Variants in ABCB1 observed in about 807,000 individuals in gnomAD.
ABCB1 encodes ATP-dependent translocase ABCB1.
Under a neutral mutation model 142.0 loss-of-function variants are expected in ABCB1, and 69 were observed. The observed-to-expected ratio is 0.49, with a 90% CI of 0.40 to 0.59. The LOEUF is 0.59. ABCB1 is among the 20% of genes least tolerant of loss of function. ABCB1 has a pLI of 0.00. For missense variants in ABCB1, 1,326 were observed against 1,554.7 expected, an observed-to-expected ratio of 0.85 and a Z score of 2.47; for synonymous variants, 532 against 539.2, an observed-to-expected ratio of 0.99 and a Z score of 0.18.
Position 87,544,880 on chromosome 7 carries a change from A to G in ABCB1, c.2007T>C (p.Arg669=). Residue 669 remains arginine, a synonymous_variant, in exon 16 of 28, where the codon CGT becomes CGC. Coordinates refer to ENST00000622132, the MANE Select transcript of ABCB1 (RefSeq NM_001348946.2). ...GGGCTTGTGATCCACGGACACTCCT[A>G]CGAGTTGATCTTTTTCTTATTAGAC... The part of the protein sequence containing the change: ...RSSLIRKRST[R]RSVRGSQAQD... 1 of 1,614,138 alleles carries G rather than the reference A, an allele frequency of 6.2e-7. No individual in the cohort carries two copies. The highest frequency in any genetic ancestry group is 2.2e-5 in the East Asian group (1 of 44,880).
intron 3 of ABCB1, among the ~76,000 whole-genome samples, chr7:87,588,387 T>C (rs574259560): frequency 3.7e-4 from 57 of 152,294 alleles, no homozygotes; most frequent in African/African-American, 1.3e-3. Context: ...TAGGTGTCCA[T>C]GTGTTCTCAT....
At chr7:87,613,596 C>T (rs1299564750) in intron 1 of ABCB1, among the ~76,000 whole-genome samples, 2 of 152,104 alleles carry the variant, frequency 1.3e-5, no homozygotes, top group African/African-American at 2.4e-5. Context: ...TGAATTAACA[C>T]AGAAACAGAA....
chr7:87,691,760 T>G (rs1026408945), intron 1 of ABCB1, among the ~76,000 whole-genome samples: 2 of 152,208 alleles, frequency 1.3e-5, no homozygotes, highest in East Asian at 1.9e-4. Flanking sequence ...CAGTGAGAAC[T>G]CTAACCAACC....
chr7:87,692,020 G>A lies in ABCB1; in HGVS notation c.-331+21141C>T, dbSNP rs116669199. Among the ~76,000 whole-genome samples the A allele has an allele frequency of 4.5e-3, 692 of 152,190 alleles. 4 individuals are homozygous for A. The highest frequency in any genetic ancestry group is 0.016 in the African/African-American group (665 of 41,532). On this transcript the variant is annotated intron_variant, in intron 1 of 28. Coordinates refer to the ABCB1 transcript ENST00000265724. ...TTAACTTGTCTAGAATGGTTTAATCGTATTAAATTATAATTAAAGCAATTA... is the reference window on the plus strand; with the variant it reads ...TTAACTTGTCTAGAATGGTTTAATCATATTAAATTATAATTAAAGCAATTA...
intron 1 of ABCB1, among the ~76,000 whole-genome samples, chr7:87,689,444 C>T (rs1827806819): frequency 6.6e-6 from 1 of 151,936 alleles, no homozygotes; most frequent in African/African-American, 2.4e-5. Flanking sequence ...TGGAAAATTG[C>T]TTTCTTTATT....
intron 21 of ABCB1, 121 bp downstream of exon 21, chr7:87,531,173 G>T (rs1816038581): frequency 1.1e-6 from 1 of 893,510 alleles, no homozygotes; most frequent in Non-Finnish European, 1.8e-6. Flanking sequence ...GAAAAAGATT[G>T]CTTTGAGGAA....
intron 1 of ABCB1, among the ~76,000 whole-genome samples, chr7:87,658,985 C>G (rs982206979): frequency 6.6e-6 from 1 of 152,138 alleles, no homozygotes; most frequent in Non-Finnish European, 1.5e-5. Context: ...AACCCTGTCT[C>G]TACAAAATAT....
intron 1 of ABCB1, chr7:87,700,271 T>C (rs1828906715): frequency 1.7e-6 from 1 of 595,500 alleles, no homozygotes; most frequent in African/African-American, 1.9e-5. Flanking sequence ...AGGACTAGAT[T>C]TGAGGCTTTT....
intron 1 of ABCB1, among the ~76,000 whole-genome samples, chr7:87,685,992 A>G: frequency 6.6e-6 from 1 of 151,884 alleles, no homozygotes; most frequent in Non-Finnish European, 1.5e-5. Context: ...CTCCTTTACC[A>G]TCACCCCTCC....
intron 1 of ABCB1, among the ~76,000 whole-genome samples, chr7:87,672,672 G>C (rs999066471): frequency 2.6e-5 from 4 of 151,194 alleles, no homozygotes; most frequent in Non-Finnish European, 5.9e-5. Context: ...ATGTAGCTCT[G>C]TCTGTGAGAC....
intron 5 of ABCB1, 68 bp from the exon 6 acceptor site, chr7:87,567,044 C>A: frequency 1.4e-6 from 2 of 1,454,652 alleles, no homozygotes; most frequent in Non-Finnish European, 1.9e-6. Context: ...CCAAAGAGAC[C>A]ACTCATTCCT....
chr7:87,561,249 A>G lies in ABCB1; in HGVS notation c.827+14T>C, dbSNP rs1212989153. On this transcript the variant is annotated intron_variant, in intron 8 of 27. Coordinates refer to ENST00000622132, the MANE Select transcript of ABCB1 (RefSeq NM_001348946.2). ...AATTTAACATATCTATCCATTTAAA[A>G]AAGAAACTCAAACCTTTCAAGTTCT... The G allele has an allele frequency of 6.2e-7, 1 of 1,613,576 alleles. No homozygotes were observed. Among genetic ancestry groups the G allele is most frequent in the Non-Finnish European group, 8.5e-7 (1 of 1,179,754 alleles).
intron 1 of ABCB1, among the ~76,000 whole-genome samples, chr7:87,621,185 C>T (rs775270464): frequency 6.6e-6 from 1 of 152,022 alleles, no homozygotes; most frequent in Non-Finnish European, 1.5e-5. Flanking sequence ...GAAGAACAGA[C>T]ATTCCAGAAT....
At chr7:87,706,476 C>A (rs1032149330) in intron 1 of ABCB1, among the ~76,000 whole-genome samples, 1 of 152,046 alleles carries the variant, frequency 6.6e-6, no homozygotes, top group African/African-American at 2.4e-5. Context: ...AACAGAATAT[C>A]TTGTATCAGA....
chr7:87,637,825 T>G (rs908327548), intron 1 of ABCB1, among the ~76,000 whole-genome samples: 1 of 152,096 alleles, frequency 6.6e-6, no homozygotes, highest in African/African-American at 2.4e-5. Flanking sequence ...TTAAAATTTT[T>G]TTTTCTGAGT....
At chr7:87,562,959 C>T (rs956825) in intron 7 of ABCB1, among the ~76,000 whole-genome samples, 43,851 of 151,934 alleles carry the variant, frequency 0.29, 6,505 homozygotes, top group Admixed American at 0.36. Context: ...ACTAGCTGGA[C>T]ATGGTAGTAC....
At chr7:87,633,712 A>G (rs917774473) in intron 1 of ABCB1, among the ~76,000 whole-genome samples, 3 of 151,910 alleles carry the variant, frequency 2.0e-5, no homozygotes, top group African/African-American at 7.3e-5. Context: ...AGTTAAGTTT[A>G]GTGAGCTTTA....
chr7:87,614,905 G>A (rs1819982483), intron 1 of ABCB1, among the ~76,000 whole-genome samples: 1 of 151,926 alleles, frequency 6.6e-6, no homozygotes, highest in Admixed American at 6.6e-5. Context: ...GAGTGCGGTG[G>A]CACCATCTCA....
intron 7 of ABCB1, chr7:87,563,318 C>T: frequency 2.2e-6 from 1 of 448,388 alleles, no homozygotes; most frequent in South Asian, 1.6e-5. Context: ...TTCTATGAGG[C>T]CAGAATAATC....
Sources: gnomAD v4.1 joint callset for allele counts (sites outside exome capture counted in the v4.1 genomes callset) on GRCh38, gnomAD v4.1.1 for gene constraint, MANE v1.5 for transcripts, NCBI Gene and HGNC (gene_info 2026-07-23, HGNC 2026-07-21) for gene names.